Variants in MMP26 observed in about 807,000 individuals in gnomAD.
MMP26 encodes the protein matrix metalloproteinase-26.
MMP26 carries 33 observed loss-of-function variants against 31.0 expected under a neutral mutation model. That is an observed-to-expected ratio of 1.06 (90% CI 0.81 to 1.42). The LOEUF (loss-of-function observed/expected upper bound fraction) is 1.42, where lower values mean the gene tolerates loss of function less well. Among genes scored for constraint, MMP26 ranks in the 40% most tolerant of loss-of-function variants. The pLI, the probability that MMP26 is intolerant of heterozygous loss-of-function variation, is 0.00. For missense variants in MMP26, 347 were observed against 316.1 expected, an observed-to-expected ratio of 1.10 and a Z score of -0.74; for synonymous variants, 122 against 114.9, an observed-to-expected ratio of 1.06 and a Z score of -0.40.
At chr11:4,970,584 G>A (rs2133630388) in intron 2 of MMP26, among the ~76,000 whole-genome samples, 1 of 152,300 alleles carries the variant, frequency 6.6e-6, no homozygotes, top group East Asian at 1.9e-4. Flanking sequence ...CTGTGGTGAG[G>A]CTATTCTGGG....
chr11:4,863,088 A>G (rs1850186568), intron 2 of MMP26, among the ~76,000 whole-genome samples: 1 of 152,102 alleles, frequency 6.6e-6, no homozygotes, highest in South Asian at 2.1e-4. Context: ...CCTACTTGAA[A>G]AATCTTTAAC....
rs753981035 is a variant in MMP26 at position 4,914,881 on chromosome 11, A to C, written c.-144-73187A>C. The C allele has an allele frequency of 1.5e-5, 25 of 1,614,022 alleles. No individual in the cohort carries two copies. Among genetic ancestry groups the C allele is most frequent in the Non-Finnish European group, 2.0e-5 (24 of 1,180,020 alleles). ...CAAAGCGATGGATGACAGAGAGGCCAATCATGGGAGTGTAGAAGAGCAGCA... is the reference window on the plus strand; with the variant it reads ...CAAAGCGATGGATGACAGAGAGGCCCATCATGGGAGTGTAGAAGAGCAGCA... On this transcript the variant is annotated intron_variant, in intron 2 of 7. Transcript: ENST00000380390.
intron 2 of MMP26, among the ~76,000 whole-genome samples, chr11:4,771,340 T>C (rs1212954894): frequency 1.3e-5 from 2 of 152,154 alleles, no homozygotes; most frequent in Admixed American, 1.3e-4. Flanking sequence ...GTGTCAAATA[T>C]GTAAGTTTGT....
At chr11:4,816,624 A>G (rs1394193068) in intron 2 of MMP26, among the ~76,000 whole-genome samples, 1 of 151,788 alleles carries the variant, frequency 6.6e-6, no homozygotes, top group Non-Finnish European at 1.5e-5. Flanking sequence ...ACAAAAAAAA[A>G]TTGATATGAT....
chr11:4,927,583 T>A lies in MMP26; in HGVS notation c.-144-60485T>A, dbSNP rs183487920. 8.5e-5 allele frequency among the ~76,000 whole-genome samples: 13 copies of A among 152,174 alleles called. No individual in the cohort carries two copies. In the East Asian group the frequency reaches 2.1e-3, roughly 25 times the overall value. On this transcript the variant is annotated intron_variant, in intron 2 of 7. Transcript: ENST00000380390. The stretch of plus-strand genomic sequence containing the variant: ...GGCTCAGGTTCCCTGTGACTAGGGA[T>A]CTATGTGTTCTGACTGTTTTCTATG...
chr11:4,848,615 T>C (rs1326206617), intron 2 of MMP26: 1 of 1,607,592 alleles, frequency 6.2e-7, no homozygotes, highest in Non-Finnish European at 8.5e-7. Context: ...CCCAAGCTTC[T>C]GGGCAGGCCA....
Position 4,990,496 on chromosome 11 carries a change from A to G in MMP26, c.321-102A>G, listed in dbSNP as rs530722602. 2.5e-4 allele frequency: 299 copies of G among 1,197,126 alleles called. 1 individual carries two copies. In the East Asian group the frequency reaches 7.1e-3, roughly 28 times the overall value. The allele number at this position is 1,197,126 out of a possible 1,614,324, so 74.2% of individuals were successfully genotyped here. On this transcript the variant is annotated intron_variant, in intron 4 of 7. Transcript: ENST00000380390. ...TTTATAAATAACCAAAATGAGTCCT[A>G]AAACTATTAAATGATTCTCCCCAAA...
chr11:4,827,192 A>G (rs1849588415), intron 2 of MMP26, among the ~76,000 whole-genome samples: 1 of 152,166 alleles, frequency 6.6e-6, no homozygotes, highest in Non-Finnish European at 1.5e-5. Flanking sequence ...ATGCACTAGA[A>G]GCAGCGAATT....
chr11:4,982,798 C>G (rs1041579631), intron 2 of MMP26, among the ~76,000 whole-genome samples: 2 of 152,166 alleles, frequency 1.3e-5, no homozygotes, highest in Non-Finnish European at 2.9e-5. Flanking sequence ...GAGGTTTGCT[C>G]AGGCAAAACC....
chr11:4,819,346 A>T (rs914389429), intron 2 of MMP26, among the ~76,000 whole-genome samples: 1 of 152,086 alleles, frequency 6.6e-6, no homozygotes, highest in Non-Finnish European at 1.5e-5. Context: ...CAAAGGAGAG[A>T]TCTCTGAAGA....
At chr11:4,908,131 C>G (rs760728485) in intron 2 of MMP26, 5 of 1,614,196 alleles carry the variant, frequency 3.1e-6, no homozygotes, top group Admixed American at 3.3e-5. Flanking sequence ...ATGTGCCCAT[C>G]ATCACCCTGG....
At chr11:4,834,053 G>GGTA (rs1849683305) in intron 2 of MMP26, among the ~76,000 whole-genome samples, 3 of 152,134 alleles carry the variant, frequency 2.0e-5, no homozygotes, top group Admixed American at 2.0e-4. Flanking sequence ...AAGAAAAAGA[G>GGTA]GTAGCATCCT....
chr11:4,835,229 CACACAT>C (rs940180605), intron 2 of MMP26, among the ~76,000 whole-genome samples: 1 of 151,636 alleles, frequency 6.6e-6, no homozygotes, highest in African/African-American at 2.4e-5. Context: ...CACACACACA[CACACAT>C]ACACACACGA....
At chr11:4,822,582 A>T (rs375308160) in intron 2 of MMP26, 2 of 408,164 alleles carry the variant, frequency 4.9e-6, no homozygotes, top group African/African-American at 4.1e-5. Context: ...TGAAGTGAAG[A>T]AACATATATA....
At chr11:4,848,479 C>G (rs772128367) in intron 2 of MMP26, 2 of 1,613,326 alleles carry the variant, frequency 1.2e-6, no homozygotes, top group Admixed American at 3.3e-5. Context: ...GTTTGACCAG[C>G]CTTCCAGCGA....
At chr11:4,868,388 A>G (rs1306966075) in intron 2 of MMP26, among the ~76,000 whole-genome samples, 1 of 152,188 alleles carries the variant, frequency 6.6e-6, no homozygotes, top group Non-Finnish European at 1.5e-5. Context: ...TACAAAATCA[A>G]TGTGCAAAAA....
At chr11:4,958,694 A>G (rs1031199864) in intron 2 of MMP26, among the ~76,000 whole-genome samples, 12 of 152,232 alleles carry the variant, frequency 7.9e-5, no homozygotes, top group Middle Eastern at 6.8e-3. Context: ...CTATAACAAT[A>G]TATGCCTGCT....
At chr11:4,803,951 C>A (rs1256259002) in intron 2 of MMP26, 1 of 1,613,502 alleles carries the variant, frequency 6.2e-7, no homozygotes, top group South Asian at 1.1e-5. Context: ...AGTTTGATCA[C>A]GACCGATGGG....
chr11:4,913,089 GA>G (rs1329704116), intron 2 of MMP26: 1 of 152,176 alleles, frequency 6.6e-6, no homozygotes, highest in Non-Finnish European at 1.5e-5. Context: ...TCAGAGCAAT[GA>G]CCCCATTCCT....
Sources: gnomAD v4.1 joint callset for allele counts (sites outside exome capture counted in the v4.1 genomes callset) on GRCh38, gnomAD v4.1.1 for gene constraint, MANE v1.5 for transcripts, NCBI Gene and HGNC (gene_info 2026-07-23, HGNC 2026-07-21) for gene names.